Variants in BMPR1B observed in about 807,000 individuals in gnomAD.
BMPR1B encodes bone morphogenetic protein receptor type 1B, also known as bone morphogenetic protein receptor type-1B.
Under a neutral mutation model 59.1 loss-of-function variants are expected in BMPR1B, and 12 were observed. The ratio of observed to expected loss-of-function variants is 0.20; its 90% confidence interval spans 0.13 to 0.33. The LOEUF (loss-of-function observed/expected upper bound fraction) is 0.33, where lower values mean the gene tolerates loss of function less well. Among genes scored for constraint, BMPR1B ranks in the 10% least tolerant of loss-of-function variants. The pLI, the probability that BMPR1B is intolerant of heterozygous loss-of-function variation, is 1.00. For synonymous variants in BMPR1B, 237 were observed against 207.3 expected (o/e 1.14, Z -1.23); for missense variants, 550 against 610.9 (o/e 0.90, Z 1.05).
intron 1 of BMPR1B, among the ~76,000 whole-genome samples, chr4:94,849,160 C>T (rs1725468152): frequency 6.6e-6 from 1 of 152,044 alleles, no homozygotes; most frequent in African/African-American, 2.4e-5. Flanking sequence ...CAGAGCACTC[C>T]AAGGTTTGGA....
intron 2 of BMPR1B, among the ~76,000 whole-genome samples, chr4:94,947,769 C>G (rs773803940): frequency 1.3e-5 from 2 of 152,168 alleles, no homozygotes; most frequent in Non-Finnish European, 2.9e-5. Flanking sequence ...AGCGCCAGTC[C>G]TCCTTACAAT....
intron 3 of BMPR1B, among the ~76,000 whole-genome samples, chr4:95,030,865 A>G (rs1356990994): frequency 2.0e-5 from 3 of 152,206 alleles, no homozygotes; most frequent in Non-Finnish European, 4.4e-5. Flanking sequence ...TCAACGAAAT[A>G]AAAGAGGATA....
At chr4:94,909,187 A>G (rs999648017) in intron 2 of BMPR1B, among the ~76,000 whole-genome samples, 1 of 152,056 alleles carries the variant, frequency 6.6e-6, no homozygotes, top group Non-Finnish European at 1.5e-5. Flanking sequence ...CTAATCCAGT[A>G]TGACCTCATC....
At chr4:95,044,949 A>G (rs1387173089) in intron 3 of BMPR1B, among the ~76,000 whole-genome samples, 5 of 152,336 alleles carry the variant, frequency 3.3e-5, no homozygotes, top group African/African-American at 1.2e-4. Flanking sequence ...TAATAAAACC[A>G]AATACCAGTG....
intron 12 of BMPR1B, among the ~76,000 whole-genome samples, chr4:95,152,992 A>T (rs1735165210): frequency 6.6e-6 from 1 of 152,114 alleles, no homozygotes; most frequent in Non-Finnish European, 1.5e-5. Flanking sequence ...ATATTGAGTG[A>T]GTTGGTCAGT....
chr4:95,123,858 C>G lies in BMPR1B; in HGVS notation c.398C>G (p.Thr133Ser). The change falls in exon 7 of 13, where the codon ACT becomes AGT. Residue 133 changes from threonine to serine, a missense_variant. Physicochemically the swap from Thr to Ser is moderately conservative, Grantham distance 58 (BLOSUM62 1). Coordinates refer to ENST00000515059, the MANE Select transcript of BMPR1B (RefSeq NM_001203.3). ...CACAGGGCTTTACTTATATCTGTGACTGTCTGTAGTTTGCTCTTGGTCCTT... is the reference window on the plus strand; with the variant it reads ...CACAGGGCTTTACTTATATCTGTGAGTGTCTGTAGTTTGCTCTTGGTCCTT... ...IHHRALLISV[T>S]VCSLLLVLII... is the part of the protein sequence containing the mutation. The G allele has an allele frequency of 6.2e-7, 1 of 1,612,262 alleles. No individual in the cohort carries two copies. Among genetic ancestry groups the G allele is most frequent in the Non-Finnish European group, 8.5e-7 (1 of 1,179,318 alleles).
At chr4:94,996,161 C>T (rs1722041073) in intron 3 of BMPR1B, 27 bp downstream of exon 3, 1 of 152,214 alleles carries the variant, frequency 6.6e-6, no homozygotes, top group South Asian at 2.1e-4. Flanking sequence ...TTCAGTCTCG[C>T]TGTTACTCGT....
At chr4:95,021,666 G>A (rs983478712) in intron 3 of BMPR1B, among the ~76,000 whole-genome samples, 2 of 152,152 alleles carry the variant, frequency 1.3e-5, no homozygotes, top group African/African-American at 4.8e-5. Flanking sequence ...TATGCAAAAT[G>A]TTAAGTTGTG....
intron 1 of BMPR1B, among the ~76,000 whole-genome samples, chr4:94,781,155 C>T (rs536419160): frequency 6.6e-6 from 1 of 152,186 alleles, no homozygotes; most frequent in Non-Finnish European, 1.5e-5. Flanking sequence ...ATTCTTAGTC[C>T]ATTTCAAGAA....
intron 1 of BMPR1B, among the ~76,000 whole-genome samples, chr4:94,872,545 G>A (rs766239571): frequency 6.6e-6 from 1 of 152,146 alleles, no homozygotes; most frequent in Non-Finnish European, 1.5e-5. Flanking sequence ...AAGAATTGAT[G>A]AATCTGCTGG....
intron 1 of BMPR1B, among the ~76,000 whole-genome samples, chr4:94,871,757 A>G (rs1435847277): frequency 1.3e-5 from 2 of 152,320 alleles, no homozygotes; most frequent in East Asian, 1.9e-4. Flanking sequence ...TAGTCAAACA[A>G]TTTTCAACAA....
chr4:94,986,582 C>T (rs1211093040), intron 2 of BMPR1B, among the ~76,000 whole-genome samples: 1 of 151,760 alleles, frequency 6.6e-6, no homozygotes, highest in Non-Finnish European at 1.5e-5. Context: ...TTTGACACCA[C>T]GTTTCAAGAA....
intron 2 of BMPR1B, among the ~76,000 whole-genome samples, chr4:94,934,187 C>G (rs1209695970): frequency 6.6e-6 from 1 of 152,176 alleles, no homozygotes; most frequent in African/African-American, 2.4e-5. Context: ...CCATGAAATA[C>G]TTCAGAGATT....
chr4:94,889,388 T>TA (rs1727302726), intron 2 of BMPR1B, among the ~76,000 whole-genome samples: 1 of 152,092 alleles, frequency 6.6e-6, no homozygotes, highest in African/African-American at 2.4e-5. Context: ...GTAGTATCTC[T>TA]GTTTTTCAGA....
chr4:94,819,629 A>T (rs1717461107), intron 1 of BMPR1B, among the ~76,000 whole-genome samples: 1 of 152,180 alleles, frequency 6.6e-6, no homozygotes, highest in South Asian at 2.1e-4. Context: ...CTCCCCGAGG[A>T]CCTAGATTTG....
intron 2 of BMPR1B, among the ~76,000 whole-genome samples, chr4:94,909,810 G>T (rs1002832694): frequency 3.9e-5 from 6 of 152,070 alleles, no homozygotes; most frequent in Non-Finnish European, 8.8e-5. Context: ...CTGCACGGAT[G>T]AATGGCTGGA....
chr4:95,068,547 A>G (rs1728028460), intron 3 of BMPR1B, among the ~76,000 whole-genome samples: 1 of 152,098 alleles, frequency 6.6e-6, no homozygotes, highest in Non-Finnish European at 1.5e-5. Context: ...GCTAGGAGCA[A>G]CCATTCTATA....
chr4:95,040,021 T>C (rs972548702), intron 3 of BMPR1B, among the ~76,000 whole-genome samples: 1 of 152,206 alleles, frequency 6.6e-6, no homozygotes, highest in African/African-American at 2.4e-5. Context: ...GCATTAATTT[T>C]TGAAGGTTAG....
chr4:95,032,252 G>A (rs1724921503), intron 3 of BMPR1B, among the ~76,000 whole-genome samples: 1 of 151,380 alleles, frequency 6.6e-6, no homozygotes, highest in South Asian at 2.1e-4. Context: ...CATGACTGGG[G>A]GAGAGAGAGA....
Sources: allele counts gnomAD v4.1 joint callset (sites outside exome capture counted in the v4.1 genomes callset), GRCh38; gene constraint gnomAD v4.1.1; transcripts MANE v1.5; gene names NCBI Gene and HGNC (gene_info 2026-07-23, HGNC 2026-07-21).